The following XYLT1 variants were observed in gnomAD, a reference collection of about 807,000 sequenced individuals.
XYLT1 encodes xylosyltransferase 1.
A neutral mutation model predicts 91.3 loss-of-function variants in XYLT1; 36 were observed. The ratio of observed to expected loss-of-function variants is 0.39; its 90% confidence interval spans 0.30 to 0.52. The LOEUF is 0.52. Among genes scored for constraint, XYLT1 ranks in the 20% least tolerant of loss-of-function variants. The pLI, the probability that XYLT1 is intolerant of heterozygous loss-of-function variation, is 0.68. For missense variants in XYLT1, 1,242 were observed against 1,284.5 expected, an observed-to-expected ratio of 0.97 and a Z score of 0.51; for synonymous variants, 588 against 532.0, an observed-to-expected ratio of 1.11 and a Z score of -1.45.
chr16:17,338,271 T>C (rs1255001570), intron 2 of XYLT1: 3 of 456,390 alleles, frequency 6.6e-6, no homozygotes, highest in Non-Finnish European at 1.3e-5. Flanking sequence ...CATGCTCTTC[T>C]GCTCCTCAAA....
chr16:17,113,385 C>T (rs946611777), intron 11 of XYLT1, among the ~76,000 whole-genome samples: 6 of 152,054 alleles, frequency 3.9e-5, no homozygotes, highest in Admixed American at 6.6e-5. Context: ...TTGAGTAATC[C>T]GTCCACCTCA....
At chr16:17,335,549 GCATGGTGGCGGGCGCCTGTAA>G (rs1241177750) in intron 2 of XYLT1, among the ~76,000 whole-genome samples, 2 of 151,994 alleles carry the variant, frequency 1.3e-5, no homozygotes, top group African/African-American at 2.4e-5. Context: ...AATTAGCGGG[GCATGGTGGCGGGCGCCTGTAA>G]TCAATCACAG....
intron 10 of XYLT1, among the ~76,000 whole-genome samples, chr16:17,125,495 C>T (rs371803880): frequency 2.0e-5 from 3 of 152,082 alleles, no homozygotes; most frequent in Non-Finnish European, 2.9e-5. Flanking sequence ...CCCTGCAACT[C>T]GAGTACTCCT....
In XYLT1 at chr16:17,108,327, A is replaced by G. The variant is rs536663827; in HGVS notation, c.*368T>C. The G allele has an allele frequency of 1.5e-3, 291 of 191,658 alleles. 4 individuals are homozygous for G. The highest frequency in any genetic ancestry group is 6.3e-3 in the African/African-American group (273 of 43,182). 11.9% of individuals were successfully genotyped at this position (191,658 alleles called of 1,614,324 possible). On this transcript the variant is annotated 3_prime_UTR_variant, in exon 12 of 12. Transcript: ENST00000261381. Reference sequence around the variant, plus strand: ...GATTTCGTCAGCACCCTGAACCTCCACTTATGACTGTGCTCCGTAAACGAA... The same window carrying G: ...GATTTCGTCAGCACCCTGAACCTCCGCTTATGACTGTGCTCCGTAAACGAA...
intron 8 of XYLT1, 71 bp downstream of exon 8, chr16:17,138,284 C>CCTTGGATTTCTGAAGAGGTTTGTTGG: frequency 6.4e-7 from 1 of 1,563,518 alleles, no homozygotes; most frequent in Non-Finnish European, 8.7e-7. Context: ...GCAGGTCTGG[C>CCTTGGATTTCTGAAGAGGTTTGTTGG]CTTGGATTTC....
chr16:17,106,513 C>G lies in XYLT1; in HGVS notation c.*2182G>C, dbSNP rs565895248. 5 of 152,240 alleles carry G rather than the reference C, an allele frequency of 3.3e-5. No individual in the cohort carries two copies. The highest frequency in any genetic ancestry group is 1.2e-4 in the African/African-American group (5 of 41,454). The allele number at this position is 152,240 out of a possible 1,614,324, so 9.4% of individuals were successfully genotyped here. A position where few individuals can be genotyped will look rare whatever the true frequency, so the allele number is the denominator to read the frequency against. The stretch of plus-strand genomic sequence containing the variant: ...CTGCTGCCTGGATCTGACGACCCTC[C>G]TCCTAAGATGGATCTCTCTCAAAGG... On this transcript the variant is annotated 3_prime_UTR_variant, in exon 12 of 12. Transcript: ENST00000261381.
At chr16:17,293,966 A>T (rs2141802070) in intron 2 of XYLT1, among the ~76,000 whole-genome samples, 1 of 152,246 alleles carries the variant, frequency 6.6e-6, no homozygotes, top group East Asian at 1.9e-4. Flanking sequence ...GTCAGAGAAG[A>T]ATGGGTCCAG....
In XYLT1 at chr16:17,195,461, T is replaced by G. The variant is rs113581892; in HGVS notation, c.1289+2751A>C. On this transcript the variant is annotated intron_variant, in intron 5 of 11. Coordinates refer to ENST00000261381, the MANE Select transcript of XYLT1 (RefSeq NM_022166.4). ...TTGTTTTTTGTTTGTTTGTTTGTTTTTTTGAGATAGAGTCTTGCTGTGTCG... is the reference window on the plus strand; with the variant it reads ...TTGTTTTTTGTTTGTTTGTTTGTTTGTTTGAGATAGAGTCTTGCTGTGTCG... Among the ~76,000 whole-genome samples, 1,140 of 152,226 alleles carry G rather than the reference T, an allele frequency of 7.5e-3. 8 individuals carry two copies. Among genetic ancestry groups the G allele is most frequent in the Admixed American group, 0.013 (206 of 15,294 alleles).
At chr16:17,289,824 AG>A (rs1424045160) in intron 2 of XYLT1, among the ~76,000 whole-genome samples, 1 of 152,258 alleles carries the variant, frequency 6.6e-6, no homozygotes, top group Non-Finnish European at 1.5e-5. Flanking sequence ...AGTGATGCAG[AG>A]GAAAGTCTAA....
At chr16:17,184,801 G>A (rs1315503835) in intron 5 of XYLT1, among the ~76,000 whole-genome samples, 1 of 152,100 alleles carries the variant, frequency 6.6e-6, no homozygotes, top group East Asian at 1.9e-4. Context: ...GCCAAAGAAG[G>A]GATACACAAC....
chr16:17,373,294 T>A (rs1268509171), intron 1 of XYLT1, among the ~76,000 whole-genome samples: 1 of 152,178 alleles, frequency 6.6e-6, no homozygotes, highest in Admixed American at 6.5e-5. Context: ...AATCAGCGTC[T>A]ACAGTGCTCG....
intron 5 of XYLT1, among the ~76,000 whole-genome samples, chr16:17,192,090 C>T (rs78893082): frequency 7.1e-6 from 1 of 141,460 alleles, no homozygotes. Context: ...CTCTCTCTCT[C>T]TCTTTTTTTT....
intron 3 of XYLT1, among the ~76,000 whole-genome samples, chr16:17,212,026 G>A (rs1431744186): frequency 5.9e-5 from 9 of 152,214 alleles, no homozygotes; most frequent in Admixed American, 1.3e-4. Flanking sequence ...GGGATAGGGC[G>A]TGGAGAGGCA....
intron 2 of XYLT1, among the ~76,000 whole-genome samples, chr16:17,342,192 A>C (rs770165693): frequency 2.6e-5 from 4 of 152,166 alleles, no homozygotes; most frequent in African/African-American, 4.8e-5. Flanking sequence ...TCTGCTGGCA[A>C]CCAACACACC....
chr16:17,201,097 C>T lies in XYLT1; in HGVS notation c.914-443G>A, dbSNP rs532570345. ...GCATCCAATATATTGTTTGTTTTAA[C>T]GGTGGTAAGAACAGATAGCATGAAA... On this transcript the variant is annotated intron_variant, in intron 3 of 11. Transcript: ENST00000261381. Among the ~76,000 whole-genome samples the T allele has an allele frequency of 1.7e-3, 257 of 152,246 alleles. 1 individual carries two copies. The highest frequency in any genetic ancestry group is 5.4e-3 in the African/African-American group (225 of 41,548).
chr16:17,199,858 A>G (rs1183781991), intron 4 of XYLT1, among the ~76,000 whole-genome samples: 1 of 152,116 alleles, frequency 6.6e-6, no homozygotes, highest in Non-Finnish European at 1.5e-5. Context: ...ATGGACTAAT[A>G]AAGGTAAGCT....
At chr16:17,176,628 C>A (rs536980532) in intron 5 of XYLT1, among the ~76,000 whole-genome samples, 1 of 152,344 alleles carries the variant, frequency 6.6e-6, no homozygotes, top group African/African-American at 2.4e-5. Context: ...CTTACAGGGT[C>A]TCTCCAGGAA....
chr16:17,264,361 A>G (rs533303465), intron 2 of XYLT1, among the ~76,000 whole-genome samples: 1 of 152,370 alleles, frequency 6.6e-6, no homozygotes, highest in East Asian at 1.9e-4. Flanking sequence ...TCTTTCAGTT[A>G]GCATAATGTC....
intron 1 of XYLT1, among the ~76,000 whole-genome samples, chr16:17,358,732 C>T (rs1019774295): frequency 1.3e-5 from 2 of 152,074 alleles, no homozygotes; most frequent in Admixed American, 1.3e-4. Context: ...GAGTTTGGCT[C>T]CGTAAGAGGA....
Sources: allele counts gnomAD v4.1 joint callset (sites outside exome capture counted in the v4.1 genomes callset), GRCh38; gene constraint gnomAD v4.1.1; transcripts MANE v1.5; gene names NCBI Gene and HGNC (gene_info 2026-07-23, HGNC 2026-07-21).